Variants in KCNQ5 observed in about 807,000 individuals in gnomAD.
The protein encoded by KCNQ5 is potassium voltage-gated channel subfamily Q member 5, also known as potassium voltage-gated channel subfamily KQT member 5.
A neutral mutation model predicts 98.2 loss-of-function variants in KCNQ5; 30 were observed. That is an observed-to-expected ratio of 0.31 (90% CI 0.23 to 0.41). The LOEUF is 0.41. Ranked by LOEUF, KCNQ5 falls within the 10% of genes least tolerant of loss-of-function variation. The pLI, the probability that KCNQ5 is intolerant of heterozygous loss-of-function variation, is 1.00. For synonymous variants in KCNQ5, 458 were observed against 449.4 expected, an observed-to-expected ratio of 1.02 and a Z score of -0.24; for missense variants, 835 against 1,182.5, an observed-to-expected ratio of 0.71 and a Z score of 4.31.
chr6:73,094,252 G>A (rs1774384959), intron 5 of KCNQ5, among the ~76,000 whole-genome samples: 1 of 152,112 alleles, frequency 6.6e-6, no homozygotes, highest in Non-Finnish European at 1.5e-5. Flanking sequence ...TTCCAAAAAT[G>A]TCTTTTTCCA....
intron 5 of KCNQ5, among the ~76,000 whole-genome samples, chr6:73,078,939 T>A (rs1773647201): frequency 6.6e-6 from 1 of 152,250 alleles, no homozygotes; most frequent in South Asian, 2.1e-4. Context: ...ATAGGAGTGC[T>A]TTATGCAATG....
intron 1 of KCNQ5, among the ~76,000 whole-genome samples, chr6:72,628,000 A>G (rs749798059): frequency 6.6e-6 from 1 of 152,124 alleles, no homozygotes; most frequent in Non-Finnish European, 1.5e-5. Context: ...TGCTTCCCCC[A>G]TTGTACTGTC....
chr6:72,691,295 C>A (rs1768202986), intron 1 of KCNQ5, among the ~76,000 whole-genome samples: 1 of 152,142 alleles, frequency 6.6e-6, no homozygotes, highest in African/African-American at 2.4e-5. Flanking sequence ...GATTTATAAA[C>A]CCTATGACTT....
chr6:72,736,283 T>C (rs1218632138), intron 1 of KCNQ5, among the ~76,000 whole-genome samples: 3 of 152,104 alleles, frequency 2.0e-5, no homozygotes, highest in Non-Finnish European at 4.4e-5. Flanking sequence ...AGCAGTGTTA[T>C]GTATGATATT....
intron 1 of KCNQ5, among the ~76,000 whole-genome samples, chr6:72,845,415 T>C (rs1776978296): frequency 6.6e-6 from 1 of 152,220 alleles, no homozygotes; most frequent in Non-Finnish European, 1.5e-5. Context: ...ATCCAAAAGC[T>C]ATTTAACCTC....
At chr6:72,807,114 C>G (rs1398005212) in intron 1 of KCNQ5, among the ~76,000 whole-genome samples, 4 of 151,956 alleles carry the variant, frequency 2.6e-5, no homozygotes, top group African/African-American at 4.8e-5. Flanking sequence ...TGTCAGGAAG[C>G]CCTACAATTT....
intron 1 of KCNQ5, among the ~76,000 whole-genome samples, chr6:72,761,672 G>A (rs1266648625): frequency 6.6e-6 from 1 of 151,498 alleles, no homozygotes; most frequent in Non-Finnish European, 1.5e-5. Flanking sequence ...TTCTTCATGT[G>A]GTTAATGTCA....
intron 1 of KCNQ5, among the ~76,000 whole-genome samples, chr6:72,932,595 G>A (rs1311582857): frequency 6.6e-6 from 1 of 152,002 alleles, no homozygotes; most frequent in Non-Finnish European, 1.5e-5. Context: ...AGAGAAAGCT[G>A]TTATTCTTTT....
intron 1 of KCNQ5, among the ~76,000 whole-genome samples, chr6:72,864,694 C>T (rs1777908215): frequency 6.6e-6 from 1 of 151,886 alleles, no homozygotes; most frequent in African/African-American, 2.4e-5. Context: ...ACACAGGGTC[C>T]TAAAAGTCTT....
At chr6:72,636,167 A>C (rs1366478003) in intron 1 of KCNQ5, among the ~76,000 whole-genome samples, 1 of 152,198 alleles carries the variant, frequency 6.6e-6, no homozygotes, top group African/African-American at 2.4e-5. Flanking sequence ...ATTAGTTTTT[A>C]TGCCATGTGG....
intron 1 of KCNQ5, among the ~76,000 whole-genome samples, chr6:72,844,720 TGTAAA>T (rs1776947289): frequency 6.6e-6 from 1 of 152,118 alleles, no homozygotes; most frequent in Non-Finnish European, 1.5e-5. Context: ...TAAAACAAAT[TGTAAA>T]GTAATCAGTC....
At chr6:72,734,390 C>T (rs1451681726) in intron 1 of KCNQ5, among the ~76,000 whole-genome samples, 1 of 151,894 alleles carries the variant, frequency 6.6e-6, no homozygotes. Flanking sequence ...GGTATGATCT[C>T]GGCTCACTGC....
intron 1 of KCNQ5, among the ~76,000 whole-genome samples, chr6:72,749,266 A>G (rs188240978): frequency 6.6e-6 from 1 of 152,254 alleles, no homozygotes; most frequent in Admixed American, 6.5e-5. Context: ...TTCAAATAGA[A>G]TACCAATTTA....
At chr6:72,700,060 C>A (rs1379776613) in intron 1 of KCNQ5, among the ~76,000 whole-genome samples, 1 of 152,044 alleles carries the variant, frequency 6.6e-6, no homozygotes, top group Non-Finnish European at 1.5e-5. Context: ...ATAGAGTAAG[C>A]ACTCAATAAA....
At chr6:73,002,433 G>T (rs185718011) in intron 1 of KCNQ5, among the ~76,000 whole-genome samples, 1 of 152,276 alleles carries the variant, frequency 6.6e-6, no homozygotes, top group African/African-American at 2.4e-5. Flanking sequence ...TCTGTAAAAT[G>T]GGGATTATAA....
intron 1 of KCNQ5, among the ~76,000 whole-genome samples, chr6:72,758,466 A>G (rs1561964434): frequency 6.6e-6 from 1 of 152,208 alleles, no homozygotes; most frequent in African/African-American, 2.4e-5. Flanking sequence ...GTAGCAGCAG[A>G]TAATCCAAGG....
chr6:72,827,789 A>G (rs1776067276), intron 1 of KCNQ5, among the ~76,000 whole-genome samples: 1 of 152,098 alleles, frequency 6.6e-6, no homozygotes, highest in Admixed American at 6.6e-5. Context: ...GGTCTTGATC[A>G]TAAAATATTT....
chr6:72,629,041 T>C (rs1283501192), intron 1 of KCNQ5, among the ~76,000 whole-genome samples: 8 of 152,162 alleles, frequency 5.3e-5, no homozygotes, highest in African/African-American at 1.7e-4. Context: ...CTTATTATTA[T>C]ATCACCAGCA....
At position 72,627,994 on chromosome 6, in the gene KCNQ5, T is replaced by C. The variant is rs190790451; in HGVS notation, c.398+5407T>C. Among the ~76,000 whole-genome samples, 207 of 152,246 alleles carry C rather than the reference T, an allele frequency of 1.4e-3. No individual in the cohort carries two copies. The Middle Eastern group carries it at 0.014, about 10-fold the overall frequency. ...CTACCAATGTCATTATAATGGTGCT[T>C]CCCCCATTGTACTGTCATCGTGGGC... On this transcript the variant is annotated intron_variant, in intron 1 of 13. Transcript: ENST00000370398.
Sources: gnomAD v4.1 joint callset for allele counts (sites outside exome capture counted in the v4.1 genomes callset) on GRCh38, gnomAD v4.1.1 for gene constraint, MANE v1.5 for transcripts, NCBI Gene and HGNC (gene_info 2026-07-23, HGNC 2026-07-21) for gene names.